The following SNX29 variants were observed in gnomAD, a reference collection of about 807,000 sequenced individuals.
The protein encoded by SNX29 is sorting nexin 29.
SNX29 carries 78 observed loss-of-function variants against 102.1 expected under a neutral mutation model. The observed-to-expected ratio is 0.76, with a 90% CI of 0.64 to 0.92. SNX29 has a LOEUF of 0.92. SNX29 is among the 40% of genes least tolerant of loss of function. The pLI, the probability that SNX29 is intolerant of heterozygous loss-of-function variation, is 0.00. For missense variants in SNX29, 1,280 were observed against 1,061.7 expected (o/e 1.21, Z -2.86); for synonymous variants, 580 against 414.5 (o/e 1.40, Z -4.85).
chr16:12,480,423 T>C (rs1287906829), intron 19 of SNX29, among the ~76,000 whole-genome samples: 1 of 152,204 alleles, frequency 6.6e-6, no homozygotes, highest in East Asian at 1.9e-4. Context: ...GTTCTGACCC[T>C]CTTCCTCTTA....
At position 12,100,635 on chromosome 16, in the gene SNX29, G is replaced by A. The variant is rs1168710509; in HGVS notation, c.1402+21720G>A. Among the ~76,000 whole-genome samples, 3 of 151,794 alleles carry A rather than the reference G, an allele frequency of 2.0e-5. No individual in the cohort carries two copies. In the East Asian group the frequency reaches 5.8e-4, roughly 29 times the overall value. On this transcript the variant is annotated intron_variant, in intron 11 of 20. Coordinates refer to ENST00000566228, the MANE Select transcript of SNX29 (RefSeq NM_032167.5). ...AGGAAGAGATCATGGGGATGTGGAA[G>A]GAAGAGTGTGCTTGGCAGAGGGAAC... is the stretch of plus-strand genomic sequence containing the variant.
intron 10 of SNX29, among the ~76,000 whole-genome samples, chr16:12,074,812 C>T (rs992070790): frequency 6.6e-6 from 1 of 152,200 alleles, no homozygotes. Flanking sequence ...CAATCAGATG[C>T]AGATTTGGTC....
intron 19 of SNX29, among the ~76,000 whole-genome samples, chr16:12,510,537 A>T (rs1358398630): frequency 1.3e-5 from 2 of 152,000 alleles, no homozygotes; most frequent in Non-Finnish European, 2.9e-5. Flanking sequence ...GCTGGGCGTT[A>T]TGGCACCGGC....
intron 20 of SNX29, among the ~76,000 whole-genome samples, chr16:12,553,029 G>T (rs1477223621): frequency 6.6e-6 from 1 of 152,244 alleles, no homozygotes; most frequent in Non-Finnish European, 1.5e-5. Context: ...TCAGCTTTAA[G>T]AGGCTGGGGA....
chr16:12,034,643 C>G (rs1349271930), intron 4 of SNX29, among the ~76,000 whole-genome samples: 1 of 152,148 alleles, frequency 6.6e-6, no homozygotes, highest in Non-Finnish European at 1.5e-5. Flanking sequence ...GAATGTGTCT[C>G]AGCATGTTAA....
rs886884057 is a variant in SNX29, at chr16:12,065,927, C to T, written c.1244-3130C>T. 3.9e-5 allele frequency among the ~76,000 whole-genome samples: 6 copies of T among 152,090 alleles called. No individual in the cohort carries two copies. The East Asian group carries it at 7.7e-4, about 20-fold the overall frequency. ...AATTTTCGGGATCCATTTCCTCATC[C>T]GTAAAATTAGATAATGGTATCTGTC... On this transcript the variant is annotated intron_variant, in intron 9 of 20. Transcript: ENST00000566228.
Position 12,573,502 on chromosome 16 carries a change from T to A in SNX29, c.*4873T>A, listed in dbSNP as rs1442874025. On this transcript the variant is annotated 3_prime_UTR_variant, in exon 21 of 21. Transcript: ENST00000566228. ...GGAAGATTCTAGATTCACTGGTGGT[T>A]TAAGAGGCCCAGGGATTTAGTTCTT... The A allele has an allele frequency of 4.4e-6, 1 of 224,794 alleles. No individual in the cohort carries two copies. The highest frequency in any genetic ancestry group is 2.2e-5 in the African/African-American group (1 of 44,884). The allele number at this position is 224,794 out of a possible 1,614,324, so 13.9% of individuals were successfully genotyped here.
intron 16 of SNX29, 93 bp from the exon 17 acceptor site, chr16:12,398,353 G>C: frequency 7.4e-7 from 1 of 1,345,428 alleles, no homozygotes; most frequent in East Asian, 2.3e-5. Flanking sequence ...AAATGTTCAG[G>C]GATCTCTGAG....
intron 15 of SNX29, among the ~76,000 whole-genome samples, chr16:12,308,364 C>T (rs184224249): frequency 1.1e-4 from 16 of 152,302 alleles, no homozygotes; most frequent in Middle Eastern, 3.4e-3. Flanking sequence ...GGGGTATTTA[C>T]GGATTTCATC....
chr16:12,124,612 A>G (rs1448454330), intron 11 of SNX29, among the ~76,000 whole-genome samples: 13 of 152,222 alleles, frequency 8.5e-5, no homozygotes, highest in Admixed American at 5.9e-4. Flanking sequence ...ACATTATTGT[A>G]CCAGAAATGT....
chr16:11,986,778 G>C (rs971275901), intron 1 of SNX29, among the ~76,000 whole-genome samples: 2 of 152,186 alleles, frequency 1.3e-5, no homozygotes, highest in African/African-American at 4.8e-5. Context: ...TGGGCCATCT[G>C]GTCTCAGCCT....
At chr16:12,483,580 G>A (rs889333272) in intron 19 of SNX29, among the ~76,000 whole-genome samples, 2 of 152,218 alleles carry the variant, frequency 1.3e-5, no homozygotes, top group Non-Finnish European at 2.9e-5. Flanking sequence ...CTCCCAAAGT[G>A]CTGGGATTAC....
At chr16:12,468,530 G>C (rs956898837) in intron 18 of SNX29, among the ~76,000 whole-genome samples, 1 of 152,116 alleles carries the variant, frequency 6.6e-6, no homozygotes, top group Non-Finnish European at 1.5e-5. Context: ...ACTCCCAGGC[G>C]TGGTGCCCCT....
chr16:12,264,197 T>G (rs746979479), intron 14 of SNX29, among the ~76,000 whole-genome samples: 5 of 152,230 alleles, frequency 3.3e-5, no homozygotes, highest in Non-Finnish European at 5.9e-5. Context: ...CCTTTTGCAG[T>G]GTTGTGTCCT....
chr16:12,378,240 T>G (rs2082947660), intron 16 of SNX29, among the ~76,000 whole-genome samples: 2 of 152,168 alleles, frequency 1.3e-5, no homozygotes, highest in South Asian at 2.1e-4. Flanking sequence ...TGAGGGTGTT[T>G]CCACTCGTGG....
chr16:12,536,139 C>G (rs946253130), intron 20 of SNX29, among the ~76,000 whole-genome samples: 4 of 152,170 alleles, frequency 2.6e-5, no homozygotes, highest in South Asian at 2.1e-4. Flanking sequence ...GGTGCTGGCA[C>G]TCGCCTGTGA....
intron 20 of SNX29, among the ~76,000 whole-genome samples, chr16:12,547,634 G>T (rs1291018310): frequency 3.9e-5 from 6 of 152,184 alleles, no homozygotes; most frequent in Admixed American, 1.3e-4. Context: ...TGTCCCATGG[G>T]ATGGAGATAT....
intron 20 of SNX29, among the ~76,000 whole-genome samples, chr16:12,529,538 T>C (rs1471308893): frequency 6.6e-6 from 1 of 152,096 alleles, no homozygotes; most frequent in Non-Finnish European, 1.5e-5. Flanking sequence ...TAATTTAACT[T>C]TGGGAAATAC....
rs762326250 is a variant in SNX29 at position 12,570,866 on chromosome 16, C to G, written c.*2237C>G. ...ATTGAACTGGTGGGAGAAACTGCCT[C>G]CTACTTTTATAATACTGAATTATTC... is the stretch of plus-strand genomic sequence containing the variant. On this transcript the variant is annotated 3_prime_UTR_variant, in exon 21 of 21. Transcript: ENST00000566228. 9.1e-5 allele frequency: 21 copies of G among 232,040 alleles called. No individual in the cohort carries two copies. The highest frequency in any genetic ancestry group is 1.8e-4 in the Non-Finnish European group (21 of 117,346). The allele number at this position is 232,040 out of a possible 1,614,324, so 14.4% of individuals were successfully genotyped here. A position where few individuals can be genotyped will look rare whatever the true frequency, so the allele number is the denominator to read the frequency against.
Sources: gnomAD v4.1 joint callset for allele counts (sites outside exome capture counted in the v4.1 genomes callset) on GRCh38, gnomAD v4.1.1 for gene constraint, MANE v1.5 for transcripts, NCBI Gene and HGNC (gene_info 2026-07-23, HGNC 2026-07-21) for gene names.